TKTL1: variants seen among roughly 807,000 people sequenced by gnomAD.
TKTL1 encodes transketolase-like protein 1.
In TKTL1, 1 loss-of-function variant was observed where a neutral mutation model predicts 39.3. The observed-to-expected ratio is 0.03, with a 90% CI of 0.01 to 0.12. The LOEUF (loss-of-function observed/expected upper bound fraction) is 0.12. TKTL1 is among the 10% of genes least tolerant of loss of function. The probability of loss-of-function intolerance (pLI) is 1.00; values close to 1 mark genes in which losing one functional copy is unlikely to be tolerated. For missense variants in TKTL1, 575 were observed against 509.6 expected, an observed-to-expected ratio of 1.13 and a Z score of -1.24; for synonymous variants, 262 against 193.8, an observed-to-expected ratio of 1.35 and a Z score of -2.92.
intron 2 of TKTL1, among the ~76,000 whole-genome samples, chrX:154,307,566 T>C (rs1557167476): frequency 1.8e-5 from 2 of 112,634 alleles, no homozygotes; most frequent in Non-Finnish European, 3.8e-5. Flanking sequence ...GGCATCATAC[T>C]GATGCCTCAC....
At chrX:154,310,541 C>T (rs111425909) in intron 3 of TKTL1, among the ~76,000 whole-genome samples, 2 of 112,656 alleles carry the variant, frequency 1.8e-5, no homozygotes, top group East Asian at 2.8e-4. Flanking sequence ...TCTTCCCCTT[C>T]CCCTCTGGCC....
intron 1 of TKTL1, among the ~76,000 whole-genome samples, chrX:154,301,228 C>T (rs1557165863): frequency 1.8e-5 from 2 of 110,234 alleles, no homozygotes; most frequent in African/African-American, 6.6e-5. Context: ...TTTTTTAAAT[C>T]TTGTTGGCCA....
At chrX:154,327,261 C>A (rs2067500047) in intron 10 of TKTL1, 16 of 415,121 alleles carry the variant, frequency 3.9e-5, no homozygotes, top group South Asian at 3.6e-4. Flanking sequence ...CACACAAGAT[C>A]TTAGCACTCA....
At chrX:154,313,995 A>G (rs1418240169) in intron 6 of TKTL1, among the ~76,000 whole-genome samples, 6 of 110,827 alleles carry the variant, frequency 5.4e-5, no homozygotes, top group Admixed American at 9.7e-5. Flanking sequence ...TGGTATGAAA[A>G]TGTGTAAAAA....
At chrX:154,305,524 A>G (rs1231142860) in intron 2 of TKTL1, 103 bp downstream of exon 2, 9 of 1,000,399 alleles carry the variant, frequency 9.0e-6, no homozygotes, top group Non-Finnish European at 1.2e-5. Flanking sequence ...CTCGTTTATT[A>G]TTTTGGTTCT....
At chrX:154,324,299 G>A (rs897790712) in intron 9 of TKTL1, among the ~76,000 whole-genome samples, 5 of 111,179 alleles carry the variant, frequency 4.5e-5, no homozygotes, top group African/African-American at 1.3e-4. Flanking sequence ...CACCACGGCC[G>A]GCTAATTTTT....
chrX:154,308,333 G>T (rs1557167622), intron 2 of TKTL1, among the ~76,000 whole-genome samples: 1 of 112,082 alleles, frequency 8.9e-6, no homozygotes, highest in Non-Finnish European at 1.9e-5. Flanking sequence ...GCAGGTGTAT[G>T]CCCACTGTGT....
chrX:154,317,688 A>G (rs782125156), intron 7 of TKTL1, among the ~76,000 whole-genome samples: 6 of 112,939 alleles, frequency 5.3e-5, no homozygotes, highest in Non-Finnish European at 1.1e-4. Flanking sequence ...GACTTGGACC[A>G]GGGCAGTAGC....
At chrX:154,300,458 A>G (rs1337699431) in intron 1 of TKTL1, among the ~76,000 whole-genome samples, 3 of 112,020 alleles carry the variant, frequency 2.7e-5, no homozygotes, top group African/African-American at 9.7e-5. Flanking sequence ...AGTGTTTTGT[A>G]GTTTTTCTTG....
intron 6 of TKTL1, among the ~76,000 whole-genome samples, chrX:154,313,553 C>T (rs1250769447): frequency 8.9e-6 from 1 of 111,829 alleles, no homozygotes; most frequent in Non-Finnish European, 1.9e-5. Flanking sequence ...CTCATGTTTT[C>T]TTAGCCTGGT....
chrX:154,317,502 C>G (rs992833475), intron 7 of TKTL1, among the ~76,000 whole-genome samples: 1 of 112,254 alleles, frequency 8.9e-6, no homozygotes. Flanking sequence ...AGAAAACTCT[C>G]CAGGGCCCAG....
rs1464944117 is a variant in TKTL1 at position 154,312,526 on chromosome X, T to C, written c.671-54T>C. 6 of 1,138,230 alleles carry C rather than the reference T, an allele frequency of 5.3e-6. No individual in the cohort carries two copies. In the East Asian group the frequency reaches 1.5e-4, roughly 28 times the overall value. 93.8% of individuals were successfully genotyped at this position (1,138,230 alleles called of 1,213,427 possible). On this transcript the variant is annotated intron_variant, in intron 5 of 12. Transcript: ENST00000369915. The stretch of plus-strand genomic sequence containing the variant: ...GGGGTCTGTTTTTCAGGTGACCTCA[T>C]AGGCACTCACTAAATATTTATGGAA...
chrX:154,296,493 G>A (rs926777302), intron 1 of TKTL1, among the ~76,000 whole-genome samples: 17 of 110,243 alleles, frequency 1.5e-4, no homozygotes, highest in African/African-American at 5.6e-4. Flanking sequence ...GCGAAACCCC[G>A]TCTCTTACCA....
chrX:154,328,604 C>T (rs1482446755), intron 12 of TKTL1, among the ~76,000 whole-genome samples: 3 of 87,087 alleles, frequency 3.4e-5, no homozygotes, highest in African/African-American at 1.2e-4. Context: ...TGTGCCCCGA[C>T]GAAAGCAGGT....
chrX:154,312,659 C>T lies in TKTL1; in HGVS notation c.750C>T (p.Ser250=), dbSNP rs2148807069. 1 of 1,209,738 alleles carries T rather than the reference C, an allele frequency of 8.3e-7. No homozygotes were observed. The highest frequency in any genetic ancestry group is 1.7e-5 in the African/African-American group (1 of 57,202). Residue 250 remains serine, a synonymous_variant, in exon 6 of 13, where the codon AGC becomes AGT. Coordinates refer to ENST00000369915, the MANE Select transcript of TKTL1 (RefSeq NM_012253.4). ...RADAIIKLIE[S]QIQTSRNLDP... ...ATGCCATTATCAAATTAATTGAGAG[C>T]CAGATACAGACCAGCAGGAATCTTG...
chrX:154,328,745 G>A (rs1382632780), intron 12 of TKTL1, among the ~76,000 whole-genome samples: 2 of 109,984 alleles, frequency 1.8e-5, no homozygotes, highest in Admixed American at 1.9e-4. Context: ...TGCGGCAGGG[G>A]CCCTCTGAGC....
chrX:154,327,163 G>C (rs1278954884), intron 10 of TKTL1: 1 of 257,425 alleles, frequency 3.9e-6, no homozygotes. Flanking sequence ...ACTTCCTCCT[G>C]CTCTGAGATT....
chrX:154,317,245 C>T lies in TKTL1; in HGVS notation c.1029+1908C>T, dbSNP rs782230655. Among the ~76,000 whole-genome samples the T allele has an allele frequency of 2.5e-4, 28 of 112,020 alleles. 1 individual carries two copies. The highest frequency in any genetic ancestry group is 5.6e-4 in the East Asian group (2 of 3,597). On this transcript the variant is annotated intron_variant, in intron 7 of 12. Transcript: ENST00000369915. Reference sequence around the variant, plus strand: ...TTGGAAAAAAGTTGTAAAGAAAAGGCGAGCAGGTGGTATTTAGTGCCATGT... The same window carrying T: ...TTGGAAAAAAGTTGTAAAGAAAAGGTGAGCAGGTGGTATTTAGTGCCATGT...
rs782608217 is a variant in TKTL1, at chrX:154,312,671, C to G, written c.762C>G (p.Thr254=). ...AATTAATTGAGAGCCAGATACAGAC[C>G]AGCAGGAATCTTGACCCACAGCCCC... ...IIKLIESQIQ[T]SRNLDPQPPI... Residue 254 remains threonine (T), a synonymous_variant, in exon 6 of 13, where the codon ACC becomes ACG. Coordinates refer to ENST00000369915, the MANE Select transcript of TKTL1 (RefSeq NM_012253.4). 3.3e-6 allele frequency: 4 copies of G among 1,209,767 alleles called. No homozygotes were observed. The highest frequency in any genetic ancestry group is 4.5e-6 in the Non-Finnish European group (4 of 895,038).
Sources: gnomAD v4.1 joint callset for allele counts (sites outside exome capture counted in the v4.1 genomes callset) on GRCh38, gnomAD v4.1.1 for gene constraint, MANE v1.5 for transcripts, NCBI Gene and HGNC (gene_info 2026-07-23, HGNC 2026-07-21) for gene names.